ESRRG: variants seen among roughly 807,000 people sequenced by gnomAD.
ESRRG encodes estrogen related receptor gamma.
In ESRRG, 13 loss-of-function variants were observed where a neutral mutation model predicts 44.0. The observed-to-expected ratio is 0.30, with a 90% CI of 0.19 to 0.47. The LOEUF is 0.47. Among genes scored for constraint, ESRRG ranks in the 20% least tolerant of loss-of-function variants. ESRRG has a pLI of 1.00. For missense variants in ESRRG, 395 were observed against 580.6 expected, an observed-to-expected ratio of 0.68 and a Z score of 3.29; for synonymous variants, 215 against 214.6, an observed-to-expected ratio of 1.00 and a Z score of -0.02.
At chr1:216,888,803 C>T (rs902047614) in intron 2 of ESRRG, among the ~76,000 whole-genome samples, 6 of 152,116 alleles carry the variant, frequency 3.9e-5, no homozygotes, top group African/African-American at 1.4e-4. Flanking sequence ...TTTACGTTCT[C>T]AGGGCTAGAG....
chr1:216,710,559 G>A (rs908726839), intron 1 of ESRRG, among the ~76,000 whole-genome samples: 1 of 152,202 alleles, frequency 6.6e-6, no homozygotes, highest in Non-Finnish European at 1.5e-5. Context: ...TAAAAATGCT[G>A]TTGTAATCAG....
At chr1:217,043,494 G>A (rs1032924845) in intron 1 of ESRRG, among the ~76,000 whole-genome samples, 7 of 152,114 alleles carry the variant, frequency 4.6e-5, no homozygotes, top group African/African-American at 7.2e-5. Context: ...AATGAAACAC[G>A]TCATTGTTGG....
chr1:216,779,391 A>T (rs1284762214), intron 2 of ESRRG, among the ~76,000 whole-genome samples: 1 of 81,800 alleles, frequency 1.2e-5, no homozygotes, highest in Non-Finnish European at 2.1e-5. Flanking sequence ...TTTATATTTA[A>T]ATAACTATAA....
intron 1 of ESRRG, among the ~76,000 whole-genome samples, chr1:216,979,010 C>G (rs1405207670): frequency 6.6e-6 from 1 of 152,112 alleles, no homozygotes; most frequent in African/African-American, 2.4e-5. Flanking sequence ...AGTTATCCAG[C>G]CTTAGAGAGG....
chr1:216,970,066 A>G (rs940171652), intron 1 of ESRRG, among the ~76,000 whole-genome samples: 8 of 152,104 alleles, frequency 5.3e-5, no homozygotes, highest in African/African-American at 1.7e-4. Flanking sequence ...CCTTCCTCCC[A>G]TCCCAGATTC....
chr1:217,004,139 G>A (rs2077419757), intron 1 of ESRRG, among the ~76,000 whole-genome samples: 1 of 152,072 alleles, frequency 6.6e-6, no homozygotes, highest in Non-Finnish European at 1.5e-5. Flanking sequence ...ACGTAAAATT[G>A]ACAGACGATG....
At chr1:217,121,839 A>G (rs1202933961) in intron 1 of ESRRG, among the ~76,000 whole-genome samples, 2 of 152,234 alleles carry the variant, frequency 1.3e-5, no homozygotes, top group Non-Finnish European at 2.9e-5. Flanking sequence ...TGTTTCAGCC[A>G]AGAACATAAC....
intron 1 of ESRRG, among the ~76,000 whole-genome samples, chr1:217,059,587 C>T (rs576555248): frequency 8.5e-4 from 129 of 152,022 alleles, no homozygotes; most frequent in Non-Finnish European, 1.4e-3. Context: ...ACTCAAGAAC[C>T]AACTTGCTGT....
intron 2 of ESRRG, among the ~76,000 whole-genome samples, chr1:216,922,205 A>T (rs900749224): frequency 2.6e-5 from 4 of 152,318 alleles, no homozygotes; most frequent in African/African-American, 9.6e-5. Flanking sequence ...CTGTCACTTG[A>T]TTTGCCATCA....
intron 2 of ESRRG, among the ~76,000 whole-genome samples, chr1:216,783,703 T>C (rs2094017096): frequency 6.6e-6 from 1 of 151,956 alleles, no homozygotes. Flanking sequence ...GGACCCTTTC[T>C]TGGACCGTGA....
chr1:217,127,517 A>G (rs1029274979), intron 1 of ESRRG, among the ~76,000 whole-genome samples: 1 of 152,218 alleles, frequency 6.6e-6, no homozygotes, highest in African/African-American at 2.4e-5. Context: ...TAGGTACTCG[A>G]TAAGTATTTG....
chr1:216,752,992 A>G (rs1284297850), intron 2 of ESRRG, among the ~76,000 whole-genome samples: 2 of 152,098 alleles, frequency 1.3e-5, no homozygotes, highest in Non-Finnish European at 2.9e-5. Context: ...AAAAGTTATC[A>G]AAATAAAAGA....
At chr1:216,850,391 A>G (rs137987678) in intron 2 of ESRRG, among the ~76,000 whole-genome samples, 88 of 152,206 alleles carry the variant, frequency 5.8e-4, no homozygotes, top group Middle Eastern at 3.4e-3. Context: ...GTATAAACAT[A>G]TTATTTTTGG....
At chr1:216,770,315 T>A (rs1318784301) in intron 2 of ESRRG, among the ~76,000 whole-genome samples, 2 of 152,122 alleles carry the variant, frequency 1.3e-5, no homozygotes, top group Admixed American at 1.3e-4. Flanking sequence ...ACAGGAGACT[T>A]AAACATGTAA....
At chr1:216,900,077 C>A (rs535019564) in intron 2 of ESRRG, among the ~76,000 whole-genome samples, 220 of 152,272 alleles carry the variant, frequency 1.4e-3, no homozygotes, top group African/African-American at 3.8e-3. Context: ...CTATCCAAAG[C>A]TGCTTAAGAA....
chr1:216,515,338 G>C (rs962599300), intron 6 of ESRRG, among the ~76,000 whole-genome samples: 5 of 151,900 alleles, frequency 3.3e-5, no homozygotes, highest in African/African-American at 9.7e-5. Flanking sequence ...TTTCATCGGG[G>C]GGTTATTAGG....
intron 1 of ESRRG, among the ~76,000 whole-genome samples, chr1:217,105,334 T>C (rs1451358710): frequency 6.6e-6 from 1 of 152,222 alleles, no homozygotes; most frequent in Non-Finnish European, 1.5e-5. Context: ...TCCTTCATTA[T>C]TTTTAACATC....
chr1:217,100,901 T>C (rs954086872), intron 1 of ESRRG, among the ~76,000 whole-genome samples: 4 of 152,226 alleles, frequency 2.6e-5, no homozygotes, highest in Non-Finnish European at 2.9e-5. Context: ...ACAGGAGATT[T>C]GGAGGGGACA....
chr1:217,125,934 T>C (rs1410669460), intron 1 of ESRRG, among the ~76,000 whole-genome samples: 1 of 152,216 alleles, frequency 6.6e-6, no homozygotes, highest in Non-Finnish European at 1.5e-5. Flanking sequence ...TTGAAATTTC[T>C]GAGGCCCAGG....
Sources: gnomAD v4.1 joint callset for allele counts (sites outside exome capture counted in the v4.1 genomes callset) on GRCh38, gnomAD v4.1.1 for gene constraint, MANE v1.5 for transcripts, NCBI Gene and HGNC (gene_info 2026-07-23, HGNC 2026-07-21) for gene names.